SEC14L6: variants seen among roughly 807,000 people sequenced by gnomAD.
SEC14L6 encodes the protein SEC14 like lipid binding 6.
Under a neutral mutation model 54.1 loss-of-function variants are expected in SEC14L6, and 40 were observed. The observed-to-expected ratio is 0.74, with a 90% CI of 0.57 to 0.96. The LOEUF (loss-of-function observed/expected upper bound fraction) is 0.96, where lower values mean the gene tolerates loss of function less well. SEC14L6 is among the 40% of genes least tolerant of loss of function. SEC14L6 has a pLI of 0.00. For synonymous variants in SEC14L6, 171 were observed against 198.4 expected (o/e 0.86, Z 1.16); for missense variants, 471 against 498.3 (o/e 0.95, Z 0.52).
chr22:30,543,883 A>G, intron 1 of SEC14L6: 1 of 1,569,198 alleles, frequency 6.4e-7, no homozygotes, highest in East Asian at 2.2e-5. Flanking sequence ...CAAGGGGAAG[A>G]AGCCTGCTCC....
At chr22:30,545,370 A>G (rs567373035) in intron 1 of SEC14L6, among the ~76,000 whole-genome samples, 1 of 152,146 alleles carries the variant, frequency 6.6e-6, no homozygotes, top group African/African-American at 2.4e-5. Flanking sequence ...ACAGGATTCC[A>G]AAGACTCAGT....
intron 6 of SEC14L6, 42 bp downstream of exon 6, chr22:30,531,861 G>T: frequency 7.2e-7 from 1 of 1,397,548 alleles, no homozygotes; most frequent in Non-Finnish European, 9.9e-7. Context: ...AAAGACCCAG[G>T]CATTTGACCA....
Position 30,532,803 on chromosome 22 carries a change from G to C in SEC14L6, c.228C>G (p.Pro76=). ...QDLANILAWQ[P]PEVVRLYNAN... is the part of the protein sequence containing the mutation. ...GGGTTTGAGAGATGCTCACCTCTGG[G>C]GGCTGCCAGGCAAGGATGTTGGCCA... Residue 76 remains proline (P), a synonymous_variant, in exon 4 of 12, where the codon CCC becomes CCG. Coordinates refer to ENST00000402034, the MANE Select transcript of SEC14L6 (RefSeq NM_001193336.4). 1.2e-6 allele frequency: 2 copies of C among 1,613,438 alleles called. No homozygotes were observed. Among genetic ancestry groups the C allele is most frequent in the Non-Finnish European group, 8.5e-7 (1 of 1,179,806 alleles).
intron 1 of SEC14L6, chr22:30,543,292 G>T: frequency 1.3e-6 from 2 of 1,580,042 alleles, no homozygotes; most frequent in Non-Finnish European, 1.7e-6. Flanking sequence ...CTCTTTTCGT[G>T]GGACTGCCAA....
chr22:30,532,780 G>GT lies in SEC14L6; in HGVS notation c.234+16dup. The stretch of plus-strand genomic sequence containing the variant: ...TGAGGGCCCAGGGATCAGGGTATGG[G>GT]TTTGAGAGATGCTCACCTCTGGGGG... On this transcript the variant is annotated intron_variant, in intron 4 of 11. Coordinates refer to ENST00000402034, the MANE Select transcript of SEC14L6 (RefSeq NM_001193336.4). 6.2e-7 allele frequency: 1 copy of GT among 1,611,180 alleles called. No individual in the cohort carries two copies. The highest frequency in any genetic ancestry group is 2.2e-5 in the East Asian group (1 of 44,814).
intron 1 of SEC14L6, chr22:30,543,788 C>G: frequency 6.6e-7 from 1 of 1,525,524 alleles, no homozygotes; most frequent in Non-Finnish European, 9.1e-7. Context: ...TCCACTTCTT[C>G]TACAAGGTTG....
chr22:30,545,109 C>G (rs561460627), intron 1 of SEC14L6, among the ~76,000 whole-genome samples: 6 of 152,200 alleles, frequency 3.9e-5, no homozygotes, highest in Non-Finnish European at 8.8e-5. Flanking sequence ...CCGTGTGAGT[C>G]TTCCTGGACC....
rs1936764443 is a variant in SEC14L6, at chr22:30,525,929, T to C, written c.668A>G (p.Asn223Ser). The C allele has an allele frequency of 6.2e-7, 1 of 1,603,250 alleles. No individual in the cohort carries two copies. The highest frequency in any genetic ancestry group is 8.5e-7 in the Non-Finnish European group (1 of 1,174,168). Reference protein sequence around the residue: ...TRRKVVILGDNWKQELTKFIS... With the variant: ...TRRKVVILGDSWKQELTKFIS... ...GAATTTTGTCAGCTCCTGCTTCCAG[T>C]TGTCTGCATGGGAGCAAGAGAGGGA... The change falls in exon 9 of 12, where the codon AAC (asparagine) becomes AGC (serine). Residue 223 changes from asparagine (N) to serine (S), a missense_variant. Coordinates refer to ENST00000402034, the MANE Select transcript of SEC14L6 (RefSeq NM_001193336.4).
chr22:30,529,063 A>G (rs1343294019), intron 8 of SEC14L6, 24 bp downstream of exon 8: 3 of 1,536,554 alleles, frequency 2.0e-6, no homozygotes, highest in Non-Finnish European at 1.8e-6. Context: ...AGGCTGGAAA[A>G]GAGGCCGCAG....
intron 2 of SEC14L6, among the ~76,000 whole-genome samples, chr22:30,537,347 G>T (rs919234225): frequency 2.6e-5 from 4 of 152,186 alleles, no homozygotes; most frequent in African/African-American, 9.7e-5. Context: ...AGGCACGGTG[G>T]CTCATGCCTG....
chr22:30,531,988 C>T lies in SEC14L6; in HGVS notation c.434G>A (p.Arg145Lys), dbSNP rs5749118. Residue 145 changes from arginine to lysine, a missense_variant, in exon 6 of 12, where the codon AGG (arginine) becomes AAG (lysine). Coordinates refer to ENST00000402034, the MANE Select transcript of SEC14L6 (RefSeq NM_001193336.4). ...CELQSQKLGKRVEKIIAIFGL... is the reference protein window; with the variant it reads ...CELQSQKLGKKVEKIIAIFGL... ...AAAAATAGCTATGATTTTCTCCACC[C>T]TCTTCCCCAGCTGCAAGGGAATGAC... 0.82 allele frequency: 1,270,225 copies of T among 1,549,960 alleles called. 522,146 individuals carry two copies. The highest frequency in any genetic ancestry group is 0.99 in the East Asian group (40,707 of 40,916).
chr22:30,541,484 C>A (rs1391464902), intron 1 of SEC14L6, among the ~76,000 whole-genome samples: 1 of 152,106 alleles, frequency 6.6e-6, no homozygotes, highest in Non-Finnish European at 1.5e-5. Context: ...CATGGCAAAA[C>A]CCCGTCTCTA....
chr22:30,543,012 C>T, intron 1 of SEC14L6: 1 of 1,602,050 alleles, frequency 6.2e-7, no homozygotes, highest in Non-Finnish European at 8.5e-7. Context: ...GTGCCAAACC[C>T]TCTGCCCCCG....
At chr22:30,541,018 C>A (rs1443952486) in intron 1 of SEC14L6, among the ~76,000 whole-genome samples, 84 of 142,782 alleles carry the variant, frequency 5.9e-4, no homozygotes, top group South Asian at 9.1e-4. Context: ...GACTACATCT[C>A]AAAAAAAAAA....
rs1011832760 is a variant in SEC14L6 at position 30,529,359 on chromosome 22, C to A, written c.520-10G>T. ...CAAGTGCTGAGAAAAACTGCGGAAC[C>A]AAGTGGCAGAAGTGATGGGCGTCTG... On this transcript the variant is annotated splice_polypyrimidine_tract_variant and intron_variant, in intron 6 of 11. Transcript: ENST00000402034. The A allele has an allele frequency of 2.6e-6, 4 of 1,549,592 alleles. No homozygotes were observed. The highest frequency in any genetic ancestry group is 1.4e-5 in the African/African-American group (1 of 72,996).
At chr22:30,525,794 C>T (rs1174874294) in intron 9 of SEC14L6, 32 bp downstream of exon 9, 2 of 1,613,570 alleles carry the variant, frequency 1.2e-6, no homozygotes, top group Non-Finnish European at 1.7e-6. Flanking sequence ...ACAGCTTCTC[C>T]CCTCCTTCCC....
Position 30,529,339 on chromosome 22 carries a change from G to C in SEC14L6, c.530C>G (p.Ala177Gly). ...GATCTCAGGGTAATTTGCTTCAAGT[G>C]CTGAGAAAAACTGCGGAACCAAGTG... is the stretch of plus-strand genomic sequence containing the variant. ...GIELLQEFFS[A>G]LEANYPEILK... The change falls in exon 7 of 12, where the codon GCA becomes GGA. Residue 177 changes from alanine to glycine, a missense_variant. Physicochemically the swap from Ala to Gly is moderately conservative, Grantham distance 60 (BLOSUM62 0). Transcript: ENST00000402034. 1 of 1,550,480 alleles carries C rather than the reference G, an allele frequency of 6.4e-7. No individual in the cohort carries two copies. Among genetic ancestry groups the C allele is most frequent in the Non-Finnish European group, 8.7e-7 (1 of 1,146,926 alleles).
Position 30,529,343 on chromosome 22 carries a change from A to G in SEC14L6, c.526T>C (p.Ser176Pro). The change falls in exon 7 of 12, where the codon TCA becomes CCA. Residue 176 changes from serine (S) to proline (P), a missense_variant. By Grantham distance (74) the Ser-to-Pro change is moderately conservative (BLOSUM62 -1). Coordinates refer to ENST00000402034, the MANE Select transcript of SEC14L6 (RefSeq NM_001193336.4). ...PGIELLQEFF[S>P]ALEANYPEIL... ...TCAGGGTAATTTGCTTCAAGTGCTGAGAAAAACTGCGGAACCAAGTGGCAG... is the reference window on the plus strand; with the variant it reads ...TCAGGGTAATTTGCTTCAAGTGCTGGGAAAAACTGCGGAACCAAGTGGCAG... The G allele has an allele frequency of 1.9e-6, 3 of 1,550,566 alleles. No individual in the cohort carries two copies. Among genetic ancestry groups the G allele is most frequent in the Non-Finnish European group, 2.6e-6 (3 of 1,146,958 alleles).
intron 6 of SEC14L6, 118 bp downstream of exon 6, chr22:30,531,785 C>T (rs1056868114): frequency 8.9e-6 from 6 of 676,644 alleles, no homozygotes; most frequent in Admixed American, 8.0e-5. Flanking sequence ...TACCTGTGGG[C>T]GGGTACTCAC....
Sources: gnomAD v4.1 joint callset for allele counts (sites outside exome capture counted in the v4.1 genomes callset) on GRCh38, gnomAD v4.1.1 for gene constraint, MANE v1.5 for transcripts, NCBI Gene and HGNC (gene_info 2026-07-23, HGNC 2026-07-21) for gene names.